RPP38: variants seen among roughly 807,000 people sequenced by gnomAD.
RPP38 encodes the protein ribonuclease P/MRP subunit p38, also known as ribonuclease P protein subunit p38.
RPP38 carries 2 observed loss-of-function variants against 1.7 expected under a neutral mutation model. The observed-to-expected ratio is 1.18, with a 90% CI of 0.48 to 3.70. RPP38 has a LOEUF of 3.70. RPP38 is among the 30% of genes most tolerant of loss of function. The pLI is 0.07. For synonymous variants in RPP38, 151 were observed against 131.8 expected (o/e 1.15, Z -1.00); for missense variants, 358 against 340.1 (o/e 1.05, Z -0.41).
chr10:15,099,478 T>TTTC (rs1435668457), intron 1 of RPP38, among the ~76,000 whole-genome samples: 1 of 146,606 alleles, frequency 6.8e-6, no homozygotes, highest in African/African-American at 2.5e-5. Flanking sequence ...TAGAATTTCT[T>TTTC]TTTTTTTTTT....
At chr10:15,102,594 A>G (rs1162452359) in intron 2 of RPP38, 1 of 152,194 alleles carries the variant, frequency 6.6e-6, no homozygotes, top group Non-Finnish European at 1.5e-5. Flanking sequence ...TTAATTATGA[A>G]CAAGTAGAAA....
intron 1 of RPP38, among the ~76,000 whole-genome samples, 173 bp from the exon 2 acceptor site, chr10:15,102,045 C>A (rs1385984854): frequency 6.6e-6 from 1 of 152,132 alleles, no homozygotes; most frequent in Non-Finnish European, 1.5e-5. Context: ...CTGTTCAGTT[C>A]TTTAAAATAT....
Position 15,101,784 on chromosome 10 carries a change from G to A in RPP38, c.-129-434G>A, listed in dbSNP as rs181081839. On this transcript the variant is annotated intron_variant, in intron 1 of 2. Transcript: ENST00000378197. The stretch of plus-strand genomic sequence containing the variant: ...GGGCACCTATAATCCCAGCTACTCC[G>A]GAGGCTGTGGCAGGAGAATCGCTTG... Among the ~76,000 whole-genome samples, 13 of 152,230 alleles carry A rather than the reference G, an allele frequency of 8.5e-5. No individual in the cohort carries two copies. In the East Asian group the frequency reaches 1.2e-3, roughly 14 times the overall value.
At chr10:15,101,065 C>A (rs751600389) in intron 1 of RPP38, among the ~76,000 whole-genome samples, 1 of 152,170 alleles carries the variant, frequency 6.6e-6, no homozygotes, top group Non-Finnish European at 1.5e-5. Flanking sequence ...GACCAAGCAT[C>A]TGCATGTTTT....
chr10:15,100,454 G>A (rs966442114), intron 1 of RPP38, among the ~76,000 whole-genome samples: 1 of 152,116 alleles, frequency 6.6e-6, no homozygotes, highest in African/African-American at 2.4e-5. Context: ...CCACCGTGAA[G>A]GAAGCAGCTT....
Position 15,104,009 on chromosome 10 carries a change from T to C in RPP38, c.695T>C (p.Leu232Ser). 1 of 1,614,138 alleles carries C rather than the reference T, an allele frequency of 6.2e-7. No individual in the cohort carries two copies. ...EPLESQDRELLDTSFEDLSKP... is the reference protein window; with the variant it reads ...EPLESQDRELSDTSFEDLSKP... ...CTGGAAAGCCAAGACAGAGAGCTTT[T>C]GGACACTTCATTTGAAGATCTGTCA... The change falls in exon 3 of 3, where the codon TTG (leucine) becomes TCG (serine). Residue 232 changes from leucine (L) to serine (S), a missense_variant. Physicochemically the swap from Leu to Ser is moderately radical, Grantham distance 145. Transcript: ENST00000378197.
In RPP38 at chr10:15,099,903, G is replaced by A. The variant is rs116582142; in HGVS notation, c.-130+2137G>A. On this transcript the variant is annotated intron_variant, in intron 1 of 2. Transcript: ENST00000378197. ...GAACCCAGAAGTTCAAGGCTGCAGT[G>A]AGCCATGATCGAACGACTGCACTAC... 5.1e-3 allele frequency among the ~76,000 whole-genome samples: 783 copies of A among 152,320 alleles called. 9 individuals are homozygous for A. Among genetic ancestry groups the A allele is most frequent in the African/African-American group, 0.018 (735 of 41,570 alleles).
chr10:15,099,476 CT>C lies in RPP38; in HGVS notation c.-130+1726del, dbSNP rs758952385. 3.1e-3 allele frequency among the ~76,000 whole-genome samples: 435 copies of C among 141,800 alleles called. 1 individual carries two copies. Among genetic ancestry groups the C allele is most frequent in the Admixed American group, 3.6e-3 (51 of 14,128 alleles). 93.0% of individuals were successfully genotyped at this position (141,800 alleles called of 152,430 possible). A position where few individuals can be genotyped will look rare whatever the true frequency, so the allele number is the denominator to read the frequency against. On this transcript the variant is annotated intron_variant, in intron 1 of 2. Transcript: ENST00000378197. ...GCAAGACCTTGTCTCTATAGAATTT[CT>C]TTTTTTTTTTTTTTTAAGACGGAGT... is the stretch of plus-strand genomic sequence containing the variant.
intron 1 of RPP38, among the ~76,000 whole-genome samples, chr10:15,099,809 T>C (rs1845062447): frequency 6.6e-6 from 1 of 152,332 alleles, no homozygotes; most frequent in East Asian, 1.9e-4. Context: ...TAAAAAAATT[T>C]TCTGGGCTTG....
At position 15,103,598 on chromosome 10, in the gene RPP38, C is replaced by A; in HGVS notation, c.284C>A (p.Thr95Lys). ...DISENLKEKK[T>K]DAKQQVSGWT... Reference sequence around the variant, plus strand: ...AGTGAGAATCTGAAGGAGAAGAAAACAGATGCTAAGCAGCAAGTGTCAGGG... The same window carrying A: ...AGTGAGAATCTGAAGGAGAAGAAAAAAGATGCTAAGCAGCAAGTGTCAGGG... The change falls in exon 3 of 3, where the codon ACA becomes AAA. Residue 95 changes from threonine (T) to lysine (K), a missense_variant. Coordinates refer to ENST00000378197, the MANE Select transcript of RPP38 (RefSeq NM_183005.5). 6.2e-7 allele frequency: 1 copy of A among 1,614,096 alleles called. No individual in the cohort carries two copies. Among genetic ancestry groups the A allele is most frequent in the South Asian group, 1.1e-5 (1 of 91,080 alleles).
Position 15,103,658 on chromosome 10 carries a change from T to C in RPP38, c.344T>C (p.Ile115Thr). 1.9e-6 allele frequency: 3 copies of C among 1,614,094 alleles called. No homozygotes were observed. Among genetic ancestry groups the C allele is most frequent in the African/African-American group, 1.3e-5 (1 of 75,042 alleles). The change falls in exon 3 of 3, where the codon ATT becomes ACT. Residue 115 changes from isoleucine to threonine, a missense_variant. Coordinates refer to ENST00000378197, the MANE Select transcript of RPP38 (RefSeq NM_183005.5). ...GCACACGTCAGGAAGCAGCTTGCCA[T>C]TGGCGTTAACGAAGTTACCAGAGCC... ...TPAHVRKQLA[I>T]GVNEVTRALE...
At position 15,103,428 on chromosome 10, in the gene RPP38, C is replaced by T. The variant is rs1290870820; in HGVS notation, c.114C>T (p.Ser38=). 21 of 1,614,104 alleles carry T rather than the reference C, an allele frequency of 1.3e-5. No individual in the cohort carries two copies. Among genetic ancestry groups the T allele is most frequent in the East Asian group, 6.7e-5 (3 of 44,882 alleles). Residue 38 remains serine (S), a synonymous_variant, in exon 3 of 3, where the codon AGC becomes AGT. Transcript: ENST00000378197. The part of the protein sequence containing the change: ...PYIIRWSALE[S]EDMHFILQTL... ...TCATCCGCTGGAGCGCTCTGGAGAG[C>T]GAGGATATGCACTTCATCCTACAGA...
In RPP38 at chr10:15,104,154, T is replaced by C. The variant is rs368459848; in HGVS notation, c.840T>C (p.Ala280=). The change falls in exon 3 of 3, where the codon GCT becomes GCC. Residue 280 remains alanine, a synonymous_variant. Coordinates refer to ENST00000378197, the MANE Select transcript of RPP38 (RefSeq NM_183005.5). ...GGAAACCACCCAAAAGTAAAAAAGC[T>C]ACTCCAAAGTAATCTTGCATAAACT... ...KIRKPPKSKK[A]TPK 16 of 1,565,374 alleles carry C rather than the reference T, an allele frequency of 1.0e-5. No homozygotes were observed. The highest frequency in any genetic ancestry group is 2.1e-5 in the Admixed American group (1 of 46,644).
Position 15,097,681 on chromosome 10 carries a change from C to T in RPP38, c.-215C>T, listed in dbSNP as rs1336326652. ...CACCAGGAGTACAAAGCGAAAACCC[C>T]CGCCGGCCCTTCTGTTCTCCACGGT... On this transcript the variant is annotated 5_prime_UTR_variant, in exon 1 of 3. Coordinates refer to ENST00000378197, the MANE Select transcript of RPP38 (RefSeq NM_183005.5). 6.6e-6 allele frequency: 1 copy of T among 152,326 alleles called. No homozygotes were observed. The highest frequency in any genetic ancestry group is 2.4e-5 in the African/African-American group (1 of 41,460). The allele number at this position is 152,326 out of a possible 1,614,324, so 9.4% of individuals were successfully genotyped here.
At chr10:15,100,650 C>T (rs906580392) in intron 1 of RPP38, among the ~76,000 whole-genome samples, 4 of 151,732 alleles carry the variant, frequency 2.6e-5, no homozygotes, top group Non-Finnish European at 5.9e-5. Flanking sequence ...CCAGTGGTTC[C>T]TGATTCCGGC....
rs189324446 is a variant in RPP38, at chr10:15,100,519, C to T, written c.-129-1699C>T. Reference sequence around the variant, plus strand: ...CCGAGATGACCAGGGTGTGATCTCTCACCCTAAGGAGCTGAATTTGGCTTT... The same window carrying T: ...CCGAGATGACCAGGGTGTGATCTCTTACCCTAAGGAGCTGAATTTGGCTTT... On this transcript the variant is annotated intron_variant, in intron 1 of 2. Transcript: ENST00000378197. Among the ~76,000 whole-genome samples, 385 of 152,056 alleles carry T rather than the reference C, an allele frequency of 2.5e-3. 2 individuals carry two copies. The highest frequency in any genetic ancestry group is 8.7e-3 in the African/African-American group (360 of 41,480).
chr10:15,098,526 ATT>A (rs1845017564), intron 1 of RPP38, among the ~76,000 whole-genome samples: 1 of 149,792 alleles, frequency 6.7e-6, no homozygotes, highest in African/African-American at 2.5e-5. Flanking sequence ...CAGCCAACTT[ATT>A]TCTTTTAATA....
chr10:15,103,160 C>G, intron 2 of RPP38, 145 bp from the exon 3 acceptor site: 1 of 720,326 alleles, frequency 1.4e-6, no homozygotes, highest in Admixed American at 3.6e-5. Flanking sequence ...CCACTGCACT[C>G]CAGCCTGGGC....
chr10:15,101,394 A>G (rs1801712819), intron 1 of RPP38, among the ~76,000 whole-genome samples: 1 of 152,158 alleles, frequency 6.6e-6, no homozygotes, highest in Admixed American at 6.6e-5. Flanking sequence ...AAGGGAAGAA[A>G]ACTGAGGGAA....
Sources: gnomAD v4.1 joint callset for allele counts (sites outside exome capture counted in the v4.1 genomes callset) on GRCh38, gnomAD v4.1.1 for gene constraint, MANE v1.5 for transcripts, NCBI Gene and HGNC (gene_info 2026-07-23, HGNC 2026-07-21) for gene names.